TRIM46: variants seen among roughly 807,000 people sequenced by gnomAD.
TRIM46 encodes the protein tripartite motif containing 46.
TRIM46 carries 17 observed loss-of-function variants against 69.7 expected under a neutral mutation model. That is an observed-to-expected ratio of 0.24 (90% CI 0.17 to 0.37). The LOEUF is 0.37. Among genes scored for constraint, TRIM46 ranks in the 10% least tolerant of loss-of-function variants. The pLI is 1.00. For missense variants in TRIM46, 675 were observed against 1,025.1 expected (o/e 0.66, Z 4.66); for synonymous variants, 391 against 429.0 (o/e 0.91, Z 1.09).
chr1:155,176,924 G>A lies in TRIM46; in HGVS notation c.670-8G>A. The A allele has an allele frequency of 6.2e-7, 1 of 1,611,492 alleles. No homozygotes were observed. The highest frequency in any genetic ancestry group is 1.1e-5 in the South Asian group (1 of 91,048). ...GTCTGACCATCACATTGTTCTTTGT[G>A]TCCCTAGGGCCTTATGTGCCCAGAC... On this transcript the variant is annotated splice_region_variant and splice_polypyrimidine_tract_variant and intron_variant, in intron 3 of 9. Transcript: ENST00000334634.
intron 3 of TRIM46, among the ~76,000 whole-genome samples, 199 bp downstream of exon 3, chr1:155,176,430 G>A (rs887098310): frequency 2.6e-5 from 4 of 152,246 alleles, no homozygotes; most frequent in Admixed American, 2.0e-4. Flanking sequence ...TCCCTGTAGG[G>A]GGATGGTAGT....
chr1:155,174,990 A>C, intron 1 of TRIM46: 1 of 1,378,794 alleles, frequency 7.3e-7, no homozygotes, highest in Non-Finnish European at 9.3e-7. Flanking sequence ...CTGCTAGAGA[A>C]GGGAGTGGGG....
At position 155,177,872 on chromosome 1, in the gene TRIM46, G is replaced by C. The variant is rs1323116437; in HGVS notation, c.910-130G>C. On this transcript the variant is annotated intron_variant, in intron 5 of 9. Coordinates refer to ENST00000334634, the MANE Select transcript of TRIM46 (RefSeq NM_025058.5). ...CATGAGCCCAGGCCCTGTAGGAATG[G>C]GTGAGTAGGATTTCCCCAGATCCCT... 3 of 1,340,306 alleles carry C rather than the reference G, an allele frequency of 2.2e-6. No homozygotes were observed. The Admixed American group carries it at 7.7e-5, about 35-fold the overall frequency. 83.0% of individuals were successfully genotyped at this position (1,340,306 alleles called of 1,614,324 possible). A position where few individuals can be genotyped will look rare whatever the true frequency, so the allele number is the denominator to read the frequency against.
At position 155,175,996 on chromosome 1, in the gene TRIM46, C is replaced by A; in HGVS notation, c.434C>A (p.Ala145Glu). 6.2e-7 allele frequency: 1 copy of A among 1,613,884 alleles called. No individual in the cohort carries two copies. Among genetic ancestry groups the A allele is most frequent in the East Asian group, 2.2e-5 (1 of 44,874 alleles). ...GDVELGERGL[A>E]GLFRNLTLER... The stretch of plus-strand genomic sequence containing the variant: ...GTGGAGCTTGGGGAGCGGGGTCTGG[C>A]AGGGCTTTTCCGGAACCTGACCCTG... The change falls in exon 3 of 10, where the codon GCA becomes GAA. Residue 145 changes from alanine (A) to glutamate (E), a missense_variant. Transcript: ENST00000334634. The surrounding 1 kb of genome is among the most constrained non-coding windows in gnomAD (Gnocchi z 4.2).
intron 7 of TRIM46, 129 bp downstream of exon 7, chr1:155,178,742 C>A: frequency 3.8e-6 from 3 of 784,750 alleles, no homozygotes; most frequent in Non-Finnish European, 6.4e-6. Context: ...CCATTCCTCC[C>A]ACCCAGCCCA....
rs1366750744 is a variant in TRIM46, at chr1:155,184,894, G to A, written c.*704G>A. On this transcript the variant is annotated 3_prime_UTR_variant, in exon 10 of 10. Coordinates refer to ENST00000334634, the MANE Select transcript of TRIM46 (RefSeq NM_025058.5). This position sits in a 1 kb window ranked among gnomAD's most constrained non-coding sequence, Gnocchi z 5.6. The stretch of plus-strand genomic sequence containing the variant: ...CCCTGCAGTGGGCTCTGCTAGGCCT[G>A]TGCTGAGCAACAGCTGTTATTGTCA... 6.5e-6 allele frequency: 1 copy of A among 152,844 alleles called. No individual in the cohort carries two copies. The highest frequency in any genetic ancestry group is 1.5e-5 in the Non-Finnish European group (1 of 68,188). 9.5% of individuals were successfully genotyped at this position (152,844 alleles called of 1,614,324 possible). A position where few individuals can be genotyped will look rare whatever the true frequency, so the allele number is the denominator to read the frequency against.
In TRIM46 at chr1:155,175,103, G is replaced by T; in HGVS notation, c.64-283G>T. On this transcript the variant is annotated intron_variant, in intron 1 of 9. Transcript: ENST00000334634. The surrounding 1 kb of genome is among the most constrained non-coding windows in gnomAD (Gnocchi z 4.2). The stretch of plus-strand genomic sequence containing the variant: ...GGCAGGTGAGGGGGCTGCCAGCTGG[G>T]GCTACTGCAGCTGGAGAAATGGGGA... 1 of 1,360,646 alleles carries T rather than the reference G, an allele frequency of 7.3e-7. No homozygotes were observed. Among genetic ancestry groups the T allele is most frequent in the Non-Finnish European group, 9.5e-7 (1 of 1,055,152 alleles). The allele number at this position is 1,360,646 out of a possible 1,614,324, so 84.3% of individuals were successfully genotyped here.
Position 155,183,853 on chromosome 1 carries a change from C to T in TRIM46, c.1943C>T (p.Ser648Leu), listed in dbSNP as rs1459972581. The change falls in exon 10 of 10, where the codon TCG becomes TTG. Residue 648 changes from serine to leucine, a missense_variant. Coordinates refer to ENST00000334634, the MANE Select transcript of TRIM46 (RefSeq NM_025058.5). ...SGAEDATVEASPPFAFLTIGM... is the reference protein window; with the variant it reads ...SGAEDATVEALPPFAFLTIGM... ...GCCGAGGATGCCACAGTGGAGGCGTCGCCACCCTTCGCTTTCCTAACCATT... is the reference window on the plus strand; with the variant it reads ...GCCGAGGATGCCACAGTGGAGGCGTTGCCACCCTTCGCTTTCCTAACCATT... The T allele has an allele frequency of 4.3e-6, 7 of 1,611,678 alleles. No individual in the cohort carries two copies. The Admixed American group carries it at 5.0e-5, about 12-fold the overall frequency.
chr1:155,177,316 C>A, intron 5 of TRIM46, 26 bp downstream of exon 5: 1 of 1,598,788 alleles, frequency 6.3e-7, no homozygotes, highest in South Asian at 1.1e-5. Flanking sequence ...GAGGTAGGCC[C>A]TGGGCCCTGC....
chr1:155,179,029 T>C (rs1302031890), intron 7 of TRIM46, among the ~76,000 whole-genome samples: 3 of 152,224 alleles, frequency 2.0e-5, no homozygotes, highest in African/African-American at 2.4e-5. Flanking sequence ...GGCGCTTGCG[T>C]AATCCTGGCC....
intron 9 of TRIM46, 173 bp downstream of exon 9, chr1:155,182,322 C>T (rs1666229786): frequency 1.4e-6 from 1 of 721,308 alleles, no homozygotes; most frequent in South Asian, 1.9e-5. Context: ...GACGCATGGG[C>T]TCAGCAAAAG....
chr1:155,184,240 C>G lies in TRIM46; in HGVS notation c.*50C>G, dbSNP rs1316374571. The stretch of plus-strand genomic sequence containing the variant: ...CTGGGGTCCTCCTGGGCCCTGGCCC[C>G]CAAACCTCTTGGCACCCGGTTGTTA... On this transcript the variant is annotated 3_prime_UTR_variant, in exon 10 of 10. Coordinates refer to ENST00000334634, the MANE Select transcript of TRIM46 (RefSeq NM_025058.5). The surrounding 1 kb of genome is among the most constrained non-coding windows in gnomAD (Gnocchi z 5.6). 6.6e-7 allele frequency: 1 copy of G among 1,505,548 alleles called. No individual in the cohort carries two copies. The highest frequency in any genetic ancestry group is 2.4e-5 in the Admixed American group (1 of 42,326). 93.3% of individuals were successfully genotyped at this position (1,505,548 alleles called of 1,614,324 possible).
At chr1:155,180,920 G>A (rs1354520636) in intron 8 of TRIM46, among the ~76,000 whole-genome samples, 2 of 151,274 alleles carry the variant, frequency 1.3e-5, no homozygotes, top group South Asian at 2.1e-4. Context: ...CAATAAATAA[G>A]TAAATAAAAT....
chr1:155,179,278 A>T (rs9426886), intron 7 of TRIM46, among the ~76,000 whole-genome samples: 62,384 of 151,968 alleles, frequency 0.41, 13,693 homozygotes, highest in East Asian at 0.75. Flanking sequence ...TCATAGAATA[A>T]CTGAGCTGCA....
chr1:155,174,567 C>A, intron 1 of TRIM46: 1 of 1,501,878 alleles, frequency 6.7e-7, no homozygotes, highest in Non-Finnish European at 8.9e-7. Flanking sequence ...ACCACTTCCT[C>A]CCCCCCTCCT....
rs191491097 is a variant in TRIM46 at position 155,178,298 on chromosome 1, G to T, written c.1163+43G>T. On this transcript the variant is annotated intron_variant, in intron 6 of 9. Coordinates refer to ENST00000334634, the MANE Select transcript of TRIM46 (RefSeq NM_025058.5). The stretch of plus-strand genomic sequence containing the variant: ...CTCCTAGGGGGGCAGGGACATCATG[G>T]ATGTGACCAACATCTAGGACAATGT... The T allele has an allele frequency of 2.3e-3, 3,592 of 1,566,792 alleles. 9 individuals are homozygous for T. Among genetic ancestry groups the T allele is most frequent in the South Asian group, 4.2e-3 (353 of 84,070 alleles).
chr1:155,178,739 T>TGGGGCCCCCCCCCCCCCCCCCCCCC, intron 7 of TRIM46, 126 bp downstream of exon 7: 2 of 1,348,474 alleles, frequency 1.5e-6, no homozygotes, highest in Non-Finnish European at 2.0e-6. Context: ...CAGCCATTCC[T>TGGGGCCCCCCCCCCCCCCCCCCCCC]CCCACCCAGC....
Position 155,177,301 on chromosome 1 carries a change from G to A in TRIM46, c.909+11G>A. On this transcript the variant is annotated intron_variant, in intron 5 of 9. Coordinates refer to ENST00000334634, the MANE Select transcript of TRIM46 (RefSeq NM_025058.5). The stretch of plus-strand genomic sequence containing the variant: ...GTGAGGCACACCGAGGTGAGGGAGG[G>A]CACAGAGGTAGGCCCTGGGCCCTGC... 1 of 1,612,808 alleles carries A rather than the reference G, an allele frequency of 6.2e-7. No individual in the cohort carries two copies. Among genetic ancestry groups the A allele is most frequent in the Non-Finnish European group, 8.5e-7 (1 of 1,178,816 alleles).
intron 1 of TRIM46, chr1:155,174,878 G>T: frequency 7.1e-7 from 1 of 1,412,600 alleles, no homozygotes. Flanking sequence ...AATGGAGGCT[G>T]GAGTGGCCGC....
Sources: gnomAD v4.1 joint callset for allele counts (sites outside exome capture counted in the v4.1 genomes callset) on GRCh38, gnomAD v4.1.1 for gene constraint, Gnocchi (gnomAD v3.1) non-coding constraint, MANE v1.5 for transcripts, NCBI Gene and HGNC (gene_info 2026-07-23, HGNC 2026-07-21) for gene names.